Variants in TTC6 observed in about 807,000 individuals in gnomAD.
The protein encoded by TTC6 is tetratricopeptide repeat protein 6.
TTC6 carries 172 observed loss-of-function variants against 210.4 expected under a neutral mutation model. The observed-to-expected ratio is 0.82, with a 90% CI of 0.72 to 0.93. The LOEUF (loss-of-function observed/expected upper bound fraction) is 0.93, where lower values mean the gene tolerates loss of function less well. Among genes scored for constraint, TTC6 ranks in the 40% least tolerant of loss-of-function variants. The pLI is 0.00. For synonymous variants in TTC6, 804 were observed against 819.6 expected, an observed-to-expected ratio of 0.98 and a Z score of 0.32; for missense variants, 2,414 against 2,318.1, an observed-to-expected ratio of 1.04 and a Z score of -0.85.
intron 1 of TTC6, among the ~76,000 whole-genome samples, chr14:37,677,830 T>C (rs1161800321): frequency 6.6e-6 from 1 of 152,158 alleles, no homozygotes; most frequent in Non-Finnish European, 1.5e-5. Context: ...TGCCACTCAG[T>C]GAGAATTTTA....
At chr14:37,622,468 A>G in exon 1 of TTC6, 1 of 1,535,148 alleles carries the variant, frequency 6.5e-7, no homozygotes, top group Non-Finnish European at 8.7e-7. Context: ...GCCCTGAAAA[A>G]GCCCCCAGTC....
intron 5 of TTC6, among the ~76,000 whole-genome samples, chr14:37,705,374 G>T (rs1283372143): frequency 6.6e-6 from 1 of 151,950 alleles, no homozygotes; most frequent in Non-Finnish European, 1.5e-5. Flanking sequence ...TAACAAATAT[G>T]CAAAAACATG....
Position 37,783,589 on chromosome 14 carries a change from A to T in TTC6, c.3267-3879A>T, listed in dbSNP as rs1406199709. On this transcript the variant is annotated intron_variant, in intron 14 of 30. Coordinates refer to ENST00000553443, the Ensembl canonical transcript of TTC6. The stretch of plus-strand genomic sequence containing the variant: ...ATGTTTTCAGAAAAATAGCTCCTGG[A>T]TTCATTGATTTTTTGAAGGATTTTT... Among the ~76,000 whole-genome samples, 8 of 151,720 alleles carry T rather than the reference A, an allele frequency of 5.3e-5. No individual in the cohort carries two copies. The East Asian group carries it at 1.6e-3, about 29-fold the overall frequency.
At chr14:37,789,596 T>TTACA (rs2096074843) in intron 15 of TTC6, among the ~76,000 whole-genome samples, 1 of 134,498 alleles carries the variant, frequency 7.4e-6, no homozygotes, top group Non-Finnish European at 1.6e-5. Context: ...TGGTTTCCTC[T>TTACA]TATATATATA....
chr14:37,737,773 A>G (rs1234928911), intron 9 of TTC6, 39 bp downstream of exon 11: 3 of 1,126,056 alleles, frequency 2.7e-6, no homozygotes, highest in African/African-American at 1.6e-5. Flanking sequence ...TAAAAGAAAC[A>G]TTTATATTCC....
intron 14 of TTC6, among the ~76,000 whole-genome samples, chr14:37,760,550 C>T (rs1211602063): frequency 2.0e-5 from 3 of 152,192 alleles, no homozygotes; most frequent in African/African-American, 7.2e-5. Flanking sequence ...TCTTCCTTGT[C>T]AGGATCAGCT....
Position 37,777,926 on chromosome 14 carries a change from G to A in TTC6, c.3267-9542G>A, listed in dbSNP as rs149162284. Among the ~76,000 whole-genome samples the A allele has an allele frequency of 7.2e-3, 1,092 of 152,184 alleles. 19 individuals are homozygous for A. Among genetic ancestry groups the A allele is most frequent in the African/African-American group, 0.025 (1,055 of 41,502 alleles). On this transcript the variant is annotated intron_variant, in intron 14 of 30. Transcript: ENST00000553443. ...CTCCTGGGCTGCATGTTCTAACTCTGGGGGAGTGGTATTAGGTTTCTGTCT... is the reference window on the plus strand; with the variant it reads ...CTCCTGGGCTGCATGTTCTAACTCTAGGGGAGTGGTATTAGGTTTCTGTCT...
chr14:37,737,569 A>G (rs2095905155), intron 8 of TTC6, 91 bp from the exon 11 acceptor site: 1 of 614,100 alleles, frequency 1.6e-6, no homozygotes, highest in South Asian at 3.4e-5. Context: ...TCATTAATTT[A>G]CCTAAACAGT....
intron 1 of TTC6, among the ~76,000 whole-genome samples, chr14:37,663,936 A>C (rs1294525437): frequency 6.6e-6 from 1 of 151,158 alleles, no homozygotes; most frequent in Non-Finnish European, 1.5e-5. Context: ...CTAGGACTAT[A>C]GCTAATAAGG....
intron 1 of TTC6, among the ~76,000 whole-genome samples, chr14:37,650,845 C>T: frequency 6.6e-6 from 1 of 152,194 alleles, no homozygotes; most frequent in East Asian, 1.9e-4. Flanking sequence ...CGTAGAACCA[C>T]AGAATACCTT....
chr14:37,734,208 T>C (rs1422189352), intron 7 of TTC6, among the ~76,000 whole-genome samples: 1 of 152,192 alleles, frequency 6.6e-6, no homozygotes, highest in African/African-American at 2.4e-5. Flanking sequence ...ACCCTCGTGA[T>C]AGAACCCAGA....
At chr14:37,762,620 T>G (rs1327139526) in intron 14 of TTC6, among the ~76,000 whole-genome samples, 1 of 152,212 alleles carries the variant, frequency 6.6e-6, no homozygotes, top group Non-Finnish European at 1.5e-5. Flanking sequence ...AAATATGTAC[T>G]CAGGTCTTTT....
chr14:37,720,579 A>C (rs2095859953), intron 6 of TTC6: 4 of 151,288 alleles, frequency 2.6e-5, no homozygotes, highest in South Asian at 4.2e-4. Context: ...AAAAAAAAAA[A>C]CTCAAACAGG....
At chr14:37,646,199 C>T (rs933815645) in intron 1 of TTC6, among the ~76,000 whole-genome samples, 1 of 152,124 alleles carries the variant, frequency 6.6e-6, no homozygotes, top group Non-Finnish European at 1.5e-5. Context: ...AATAACATTA[C>T]GTGAAGTTGG....
At chr14:37,839,165 A>G (rs1373053623) in intron 29 of TTC6, among the ~76,000 whole-genome samples, 1 of 152,162 alleles carries the variant, frequency 6.6e-6, no homozygotes, top group Non-Finnish European at 1.5e-5. Context: ...TATACCCAGT[A>G]ATGGGATTGC....
intron 7 of TTC6, among the ~76,000 whole-genome samples, chr14:37,732,662 A>T (rs896399245): frequency 2.6e-5 from 4 of 151,618 alleles, no homozygotes; most frequent in African/African-American, 9.7e-5. Flanking sequence ...TCTGTCGCCC[A>T]GGCTAGAGTG....
chr14:37,767,904 G>A (rs1384389472), intron 14 of TTC6, among the ~76,000 whole-genome samples: 8 of 144,028 alleles, frequency 5.6e-5, no homozygotes, highest in Non-Finnish European at 1.2e-4. Context: ...GTAATGCCTA[G>A]GTTTTCTTCT....
At chr14:37,807,448 A>G in exon 23 of TTC6, 1 of 1,505,362 alleles carries the variant, frequency 6.6e-7, no homozygotes, top group Non-Finnish European at 8.9e-7. Context: ...GAGTTCTGAA[A>G]TACTACAACA....
intron 30 of TTC6, 37 bp from the exon 33 acceptor site, chr14:37,842,118 C>T: frequency 6.9e-7 from 1 of 1,439,038 alleles, no homozygotes; most frequent in Non-Finnish European, 9.1e-7. Context: ...TTTTTGAGTG[C>T]CAACTTAAAT....
Sources: allele counts gnomAD v4.1 joint callset (sites outside exome capture counted in the v4.1 genomes callset), GRCh38; gene constraint gnomAD v4.1.1; transcripts MANE v1.5; gene names NCBI Gene and HGNC (gene_info 2026-07-23, HGNC 2026-07-21).